The following TUBGCP4 variants were observed in gnomAD, a reference collection of about 807,000 sequenced individuals.
TUBGCP4 encodes the protein tubulin gamma complex component 4.
A neutral mutation model predicts 91.6 loss-of-function variants in TUBGCP4; 54 were observed. That is an observed-to-expected ratio of 0.59 (90% CI 0.47 to 0.74). The LOEUF (loss-of-function observed/expected upper bound fraction) is 0.74, where lower values mean the gene tolerates loss of function less well. Ranked by LOEUF, TUBGCP4 falls within the 30% of genes least tolerant of loss-of-function variation. TUBGCP4 has a pLI of 0.00. For synonymous variants in TUBGCP4, 297 were observed against 302.8 expected (o/e 0.98, Z 0.20); for missense variants, 593 against 800.9 (o/e 0.74, Z 3.13).
chr15:43,379,625 A>C (rs2044258060), intron 5 of TUBGCP4, among the ~76,000 whole-genome samples: 1 of 149,336 alleles, frequency 6.7e-6, no homozygotes. Context: ...TGGGCGACAG[A>C]GCAAGACTCC....
intron 6 of TUBGCP4, among the ~76,000 whole-genome samples, chr15:43,380,484 CAT>C (rs1242062375): frequency 3.3e-5 from 5 of 152,214 alleles, no homozygotes; most frequent in Admixed American, 6.5e-5. Flanking sequence ...TGTGTCTAAA[CAT>C]GTGTATTTGA....
intron 9 of TUBGCP4, among the ~76,000 whole-genome samples, chr15:43,387,752 G>A (rs1251706490): frequency 6.6e-6 from 1 of 151,694 alleles, no homozygotes; most frequent in African/African-American, 2.4e-5. Flanking sequence ...GTGAGCCACT[G>A]CGCCTGGCCC....
Position 43,376,091 on chromosome 15 carries a change from C to A in TUBGCP4, c.79-7C>A. The A allele has an allele frequency of 1.2e-6, 2 of 1,613,444 alleles. No individual in the cohort carries two copies. Among genetic ancestry groups the A allele is most frequent in the Non-Finnish European group, 1.7e-6 (2 of 1,179,414 alleles). The stretch of plus-strand genomic sequence containing the variant: ...CGGTGTTTTCGGCAGTGTTCCTCTT[C>A]CTGCAGGTATCGCAGGACTTCCCTT... On this transcript the variant is annotated splice_polypyrimidine_tract_variant and splice_region_variant and intron_variant, in intron 1 of 17. Transcript: ENST00000564079.
At position 43,407,384 on chromosome 15, in the gene TUBGCP4, T is replaced by C. The variant is rs1488193973; in HGVS notation, c.*2170T>C. ...TAAAACCAGTAAGACCAAGTATCTT[T>C]AGTGAGAAACATAATCGTGTTTATA... On this transcript the variant is annotated 3_prime_UTR_variant, in exon 18 of 18. Transcript: ENST00000564079. The C allele has an allele frequency of 6.2e-7, 1 of 1,613,866 alleles. No individual in the cohort carries two copies. The highest frequency in any genetic ancestry group is 8.5e-7 in the Non-Finnish European group (1 of 1,179,854).
intron 9 of TUBGCP4, among the ~76,000 whole-genome samples, chr15:43,392,120 ATAT>A (rs1394936358): frequency 6.8e-6 from 1 of 146,096 alleles, no homozygotes; most frequent in Non-Finnish European, 1.5e-5. Context: ...ACACACACAC[ATAT>A]TTTTTTTTGT....
At chr15:43,385,726 G>T in intron 7 of TUBGCP4, 65 bp from the exon 8 acceptor site, 1 of 1,537,474 alleles carries the variant, frequency 6.5e-7, no homozygotes, top group South Asian at 1.1e-5. Flanking sequence ...GAGTTACTAG[G>T]TATTTTCTTG....
intron 6 of TUBGCP4, among the ~76,000 whole-genome samples, chr15:43,380,794 G>A (rs1012416009): frequency 6.6e-6 from 1 of 152,024 alleles, no homozygotes; most frequent in Non-Finnish European, 1.5e-5. Context: ...ATACAAAATT[G>A]TATTTATCTT....
Position 43,409,373 on chromosome 15 carries a change from C to G in TUBGCP4, c.*4159C>G. ...AGCCTTTCAGGCTAAAAATCAGCAACCCTAATAGGGGTTTCTACTACTAAA... is the reference window on the plus strand; with the variant it reads ...AGCCTTTCAGGCTAAAAATCAGCAAGCCTAATAGGGGTTTCTACTACTAAA... On this transcript the variant is annotated 3_prime_UTR_variant, in exon 18 of 18. Transcript: ENST00000564079. 1.8e-6 allele frequency: 1 copy of G among 571,300 alleles called. No individual in the cohort carries two copies. Among genetic ancestry groups the G allele is most frequent in the Non-Finnish European group, 3.1e-6 (1 of 321,246 alleles). The allele number at this position is 571,300 out of a possible 1,614,324, so 35.4% of individuals were successfully genotyped here.
intron 7 of TUBGCP4, chr15:43,385,352 C>A (rs1204997473): frequency 2.2e-6 from 1 of 456,044 alleles, no homozygotes; most frequent in South Asian, 1.5e-5. Context: ...TTAAAACTAT[C>A]TGTTACACTG....
intron 11 of TUBGCP4, 150 bp downstream of exon 11, chr15:43,395,838 T>A: frequency 1.5e-6 from 1 of 664,742 alleles, no homozygotes; most frequent in Non-Finnish European, 2.7e-6. Flanking sequence ...CTCTTGCAGG[T>A]AGGCTTCATG....
At chr15:43,389,067 C>T (rs115121698) in intron 9 of TUBGCP4, among the ~76,000 whole-genome samples, 3 of 152,248 alleles carry the variant, frequency 2.0e-5, no homozygotes, top group East Asian at 1.9e-4. Context: ...ACACTCAGTT[C>T]GTTCCATTTC....
At chr15:43,401,884 T>G (rs2142884549) in intron 15 of TUBGCP4, 34 bp downstream of exon 15, 1 of 1,611,950 alleles carries the variant, frequency 6.2e-7, no homozygotes, top group Non-Finnish European at 8.5e-7. Context: ...TCAGACTGCT[T>G]CTACCACTGA....
In TUBGCP4 at chr15:43,406,505, T is replaced by G; in HGVS notation, c.*1291T>G. On this transcript the variant is annotated 3_prime_UTR_variant, in exon 18 of 18. Transcript: ENST00000564079. The stretch of plus-strand genomic sequence containing the variant: ...CATGCCCATTTGTTTACTCATTGTC[T>G]ATGGTTGCTTTCATGCCCTCACAGC... The G allele has an allele frequency of 3.4e-5, 15 of 444,930 alleles. No homozygotes were observed. Among genetic ancestry groups the G allele is most frequent in the South Asian group, 2.4e-4 (15 of 62,224 alleles). 27.6% of individuals were successfully genotyped at this position (444,930 alleles called of 1,614,324 possible).
intron 3 of TUBGCP4, 142 bp from the exon 4 acceptor site, chr15:43,376,872 T>G (rs2044213166): frequency 1.1e-6 from 1 of 885,318 alleles, no homozygotes; most frequent in Non-Finnish European, 1.8e-6. Flanking sequence ...AAATCAGGAT[T>G]AATAACCTGA....
intron 9 of TUBGCP4, among the ~76,000 whole-genome samples, chr15:43,390,515 CTT>C (rs201543896): frequency 8.0e-5 from 11 of 136,986 alleles, no homozygotes; most frequent in Admixed American, 2.2e-4. Flanking sequence ...TTTCTTTTTT[CTT>C]TTTTTTTTTT....
intron 1 of TUBGCP4, among the ~76,000 whole-genome samples, chr15:43,374,242 A>C (rs900513556): frequency 6.6e-6 from 1 of 152,212 alleles, no homozygotes; most frequent in Non-Finnish European, 1.5e-5. Context: ...GTATTAGCAC[A>C]GTACCTGGGA....
At chr15:43,380,035 A>C in intron 5 of TUBGCP4, 49 bp from the exon 6 acceptor site, 4 of 1,563,352 alleles carry the variant, frequency 2.6e-6, no homozygotes, top group Non-Finnish European at 2.6e-6. Flanking sequence ...TGTGTCTTGC[A>C]TGGACTCTTA....
Position 43,383,387 on chromosome 15 carries a change from A to C in TUBGCP4, c.606A>C (p.Glu202Asp), listed in dbSNP as rs1349305484. The C allele has an allele frequency of 6.2e-7, 1 of 1,614,222 alleles. No homozygotes were observed. Among genetic ancestry groups the C allele is most frequent in the South Asian group, 1.1e-5 (1 of 91,088 alleles). ...LHGLLLDQHEEFFIKQGPSSG... is the reference protein window; with the variant it reads ...LHGLLLDQHEDFFIKQGPSSG... ...GACTCCTCTTGGACCAGCATGAAGA[A>C]TTCTTTATCAAACAGGGGCCATCTT... The change falls in exon 7 of 18, where the codon GAA (glutamate) becomes GAC (aspartate). Residue 202 changes from glutamate to aspartate, a missense_variant. Glu to Asp is a conservative substitution (Grantham distance 45). Transcript: ENST00000564079.
intron 14 of TUBGCP4, among the ~76,000 whole-genome samples, chr15:43,401,104 TGTAGGTGACCAA>T (rs1298318959): frequency 6.6e-6 from 1 of 152,136 alleles, no homozygotes; most frequent in African/African-American, 2.4e-5. Flanking sequence ...TCTGGAATCC[TGTAGGTGACCAA>T]GTCAGTCAGT....
Sources: gnomAD v4.1 joint callset for allele counts (sites outside exome capture counted in the v4.1 genomes callset) on GRCh38, gnomAD v4.1.1 for gene constraint, MANE v1.5 for transcripts, NCBI Gene and HGNC (gene_info 2026-07-23, HGNC 2026-07-21) for gene names.